Variants in ADCY8 observed in about 807,000 individuals in gnomAD.
ADCY8 encodes the protein adenylate cyclase type 8.
In ADCY8, 51 loss-of-function variants were observed where a neutral mutation model predicts 119.7. That is an observed-to-expected ratio of 0.43 (90% CI 0.34 to 0.54). The LOEUF (loss-of-function observed/expected upper bound fraction) is 0.54, where lower values mean the gene tolerates loss of function less well. Ranked by LOEUF, ADCY8 falls within the 20% of genes least tolerant of loss-of-function variation. ADCY8 has a pLI of 0.03. For synonymous variants in ADCY8, 665 were observed against 651.0 expected, an observed-to-expected ratio of 1.02 and a Z score of -0.33; for missense variants, 1,383 against 1,598.8, an observed-to-expected ratio of 0.87 and a Z score of 2.30.
chr8:130,808,326 TA>T (rs1816043253), intron 14 of ADCY8, among the ~76,000 whole-genome samples: 1 of 152,056 alleles, frequency 6.6e-6, no homozygotes, highest in South Asian at 2.1e-4. Flanking sequence ...AATGAAGGGA[TA>T]GGGGATGGGG....
chr8:130,787,283 A>G (rs1815277347), intron 15 of ADCY8, among the ~76,000 whole-genome samples: 1 of 152,198 alleles, frequency 6.6e-6, no homozygotes, highest in African/African-American at 2.4e-5. Flanking sequence ...CCAGGCAGGC[A>G]ATGACAATGG....
At chr8:130,854,063 T>A (rs1817628903) in intron 9 of ADCY8, among the ~76,000 whole-genome samples, 1 of 152,238 alleles carries the variant, frequency 6.6e-6, no homozygotes, top group African/African-American at 2.4e-5. Flanking sequence ...ATTACAAGAT[T>A]AGCTTTTTAA....
At chr8:130,808,771 A>G (rs924168941) in intron 14 of ADCY8, among the ~76,000 whole-genome samples, 1 of 152,194 alleles carries the variant, frequency 6.6e-6, no homozygotes, top group African/African-American at 2.4e-5. Context: ...AGATGAGGAA[A>G]TGGACTCCAA....
At chr8:130,867,339 C>T (rs1403308524) in intron 9 of ADCY8, among the ~76,000 whole-genome samples, 1 of 152,122 alleles carries the variant, frequency 6.6e-6, no homozygotes, top group African/African-American at 2.4e-5. Flanking sequence ...GCCTCAGTTC[C>T]CTCCTCTTTA....
At chr8:130,826,949 A>G (rs919915610) in intron 12 of ADCY8, among the ~76,000 whole-genome samples, 5 of 152,264 alleles carry the variant, frequency 3.3e-5, no homozygotes, top group Admixed American at 3.3e-4. Flanking sequence ...TAGCATTAGG[A>G]GAAATACCTA....
intron 14 of ADCY8, among the ~76,000 whole-genome samples, chr8:130,801,616 G>A (rs1209301765): frequency 1.3e-5 from 2 of 152,034 alleles, no homozygotes; most frequent in Non-Finnish European, 2.9e-5. Flanking sequence ...CTATCAACTA[G>A]GTTCTCTTCC....
At chr8:130,919,151 T>C (rs1201577079) in intron 5 of ADCY8, among the ~76,000 whole-genome samples, 3 of 152,342 alleles carry the variant, frequency 2.0e-5, no homozygotes, top group Non-Finnish European at 2.9e-5. Context: ...CAGTATCGCA[T>C]GTCCAAACTG....
At chr8:131,001,561 CA>C (rs1158931005) in intron 1 of ADCY8, among the ~76,000 whole-genome samples, 1 of 147,714 alleles carries the variant, frequency 6.8e-6, no homozygotes, top group Non-Finnish European at 1.5e-5. Flanking sequence ...ACTATATATA[CA>C]AATATTATAT....
intron 2 of ADCY8, among the ~76,000 whole-genome samples, chr8:130,972,833 C>T (rs1337172382): frequency 1.4e-5 from 1 of 70,622 alleles, no homozygotes; most frequent in Non-Finnish European, 2.6e-5. Context: ...GACCTTCCTT[C>T]AGCATCAGTT....
chr8:131,003,797 A>C (rs944456262), intron 1 of ADCY8, among the ~76,000 whole-genome samples: 1 of 152,072 alleles, frequency 6.6e-6, no homozygotes. Flanking sequence ...TTTTATCCAC[A>C]CTTTTCTCCT....
intron 9 of ADCY8, among the ~76,000 whole-genome samples, chr8:130,860,202 T>C (rs201756844): frequency 1.3e-5 from 2 of 152,206 alleles, no homozygotes; most frequent in East Asian, 3.8e-4. Flanking sequence ...CTGTATATCT[T>C]GTTTGGTGAG....
chr8:130,979,307 G>C (rs1229149669), intron 2 of ADCY8, among the ~76,000 whole-genome samples: 1 of 152,132 alleles, frequency 6.6e-6, no homozygotes, highest in Non-Finnish European at 1.5e-5. Flanking sequence ...AGTGTGTGTT[G>C]AACTATATCT....
intron 8 of ADCY8, among the ~76,000 whole-genome samples, chr8:130,880,598 G>A (rs1429955970): frequency 2.6e-5 from 4 of 152,140 alleles, no homozygotes; most frequent in Admixed American, 2.0e-4. Context: ...GCTGAAGAAG[G>A]CCTTTGGCAA....
At chr8:130,842,787 G>T (rs1817185447) in intron 11 of ADCY8, among the ~76,000 whole-genome samples, 1 of 149,966 alleles carries the variant, frequency 6.7e-6, no homozygotes, top group South Asian at 2.1e-4. Context: ...CACAGGAATT[G>T]CTTGAACCTG....
chr8:130,838,207 A>G (rs564422277), intron 11 of ADCY8, among the ~76,000 whole-genome samples: 12 of 152,310 alleles, frequency 7.9e-5, no homozygotes, highest in African/African-American at 2.9e-4. Flanking sequence ...GTGTTCTCTC[A>G]GAGGGCAAAG....
At chr8:130,789,521 T>C (rs997151512) in intron 15 of ADCY8, among the ~76,000 whole-genome samples, 2 of 151,644 alleles carry the variant, frequency 1.3e-5, no homozygotes, top group African/African-American at 4.9e-5. Context: ...TTGTTAATAT[T>C]CCTTGGAAAC....
intron 7 of ADCY8, among the ~76,000 whole-genome samples, chr8:130,898,937 C>T (rs750236129): frequency 3.3e-5 from 5 of 152,168 alleles, no homozygotes; most frequent in African/African-American, 4.8e-5. Context: ...ATCACTGCCC[C>T]GCTTTTACCC....
intron 5 of ADCY8, among the ~76,000 whole-genome samples, chr8:130,915,630 A>G (rs1820103207): frequency 6.6e-6 from 1 of 152,214 alleles, no homozygotes; most frequent in Non-Finnish European, 1.5e-5. Context: ...TCATAAAATA[A>G]TGTATGTAAA....
intron 15 of ADCY8, among the ~76,000 whole-genome samples, chr8:130,789,595 A>G (rs964854460): frequency 1.3e-5 from 2 of 152,224 alleles, no homozygotes; most frequent in African/African-American, 4.8e-5. Flanking sequence ...CCCGATATCC[A>G]TAATATACCT....
Sources: gnomAD v4.1 joint callset for allele counts (sites outside exome capture counted in the v4.1 genomes callset) on GRCh38, gnomAD v4.1.1 for gene constraint, MANE v1.5 for transcripts, NCBI Gene and HGNC (gene_info 2026-07-23, HGNC 2026-07-21) for gene names.